TLN2: variants seen among roughly 807,000 people sequenced by gnomAD.
The protein encoded by TLN2 is talin-2.
A neutral mutation model predicts 294.7 loss-of-function variants in TLN2; 118 were observed. The observed-to-expected ratio is 0.40, with a 90% CI of 0.34 to 0.47. TLN2 has a LOEUF of 0.47. Ranked by LOEUF, TLN2 falls within the 20% of genes least tolerant of loss-of-function variation. The pLI is 0.84. For missense variants in TLN2, 3,083 were observed against 3,282.2 expected (o/e 0.94, Z 1.48); for synonymous variants, 1,431 against 1,304.5 (o/e 1.10, Z -2.09).
chr15:62,633,718 A>T (rs989230630), intron 3 of TLN2, among the ~76,000 whole-genome samples: 1 of 152,218 alleles, frequency 6.6e-6, no homozygotes, highest in African/African-American at 2.4e-5. Flanking sequence ...GCACTTATTA[A>T]TATCCTAATT....
chr15:62,702,285 C>T, intron 18 of TLN2, 85 bp downstream of exon 18: 1 of 1,411,350 alleles, frequency 7.1e-7, no homozygotes, highest in Non-Finnish European at 9.5e-7. Flanking sequence ...GCTTCCCGAG[C>T]TGTTCCTTGC....
chr15:62,540,523 A>G (rs1437713240), intron 1 of TLN2, among the ~76,000 whole-genome samples: 2 of 151,790 alleles, frequency 1.3e-5, no homozygotes, highest in Non-Finnish European at 2.9e-5. Context: ...GAAGGAGGGG[A>G]GGAAAGAAGT....
rs1020234755 is a variant in TLN2 at position 62,700,999 on chromosome 15, T to G, written c.1588-107T>G. The G allele has an allele frequency of 7.3e-6, 7 of 961,066 alleles. No homozygotes were observed. In the African/African-American group the frequency reaches 1.1e-4, roughly 16 times the overall value. 59.5% of individuals were successfully genotyped at this position (961,066 alleles called of 1,614,324 possible). A position where few individuals can be genotyped will look rare whatever the true frequency, so the allele number is the denominator to read the frequency against. On this transcript the variant is annotated intron_variant, in intron 16 of 58. Transcript: ENST00000636159. ...AAGGGCCCTGTCGGTGCTGGCCTCA[T>G]AAGAAGAATGTAGCCAAAATGCTGG...
intron 1 of TLN2, among the ~76,000 whole-genome samples, chr15:62,487,706 G>A: frequency 6.6e-6 from 1 of 151,908 alleles, no homozygotes; most frequent in East Asian, 1.9e-4. Flanking sequence ...GCTGAGGCAG[G>A]TGGATCATGG....
intron 40 of TLN2, among the ~76,000 whole-genome samples, chr15:62,765,256 C>G (rs1857853030): frequency 6.6e-6 from 1 of 151,732 alleles, no homozygotes; most frequent in Non-Finnish European, 1.5e-5. Context: ...TAAATAAAAC[C>G]CTTGGCCGTC....
chr15:62,579,099 G>T (rs2044691737), intron 1 of TLN2, among the ~76,000 whole-genome samples: 1 of 152,164 alleles, frequency 6.6e-6, no homozygotes, highest in Admixed American at 6.5e-5. Flanking sequence ...GGGAAACAAG[G>T]CTGAGGAGAA....
At chr15:62,689,077 T>C (rs1211165077) in intron 12 of TLN2, among the ~76,000 whole-genome samples, 2 of 151,780 alleles carry the variant, frequency 1.3e-5, no homozygotes, top group African/African-American at 4.8e-5. Context: ...TCTTTTTTTT[T>C]TTTTTTTTGC....
chr15:62,673,713 A>G lies in TLN2; in HGVS notation c.789-114A>G, dbSNP rs112534771. 6.0e-4 allele frequency: 444 copies of G among 744,646 alleles called. 1 individual carries two copies. The highest frequency in any genetic ancestry group is 4.9e-3 in the East Asian group (192 of 39,090). The allele number at this position is 744,646 out of a possible 1,614,324, so 46.1% of individuals were successfully genotyped here. ...ATAGCAGTCTGTTATTAATTACTCTATAAAATATTGGGAGACTTAGTGAGT... is the reference window on the plus strand; with the variant it reads ...ATAGCAGTCTGTTATTAATTACTCTGTAAAATATTGGGAGACTTAGTGAGT... On this transcript the variant is annotated intron_variant, in intron 9 of 58. Coordinates refer to ENST00000636159, the MANE Select transcript of TLN2 (RefSeq NM_015059.3).
intron 22 of TLN2, among the ~76,000 whole-genome samples, chr15:62,713,943 A>G (rs1391386181): frequency 2.8e-4 from 25 of 89,944 alleles, no homozygotes; most frequent in Admixed American, 2.5e-3. Context: ...GTGTGTGTGT[A>G]TGTATGTATT....
intron 1 of TLN2, among the ~76,000 whole-genome samples, chr15:62,435,469 T>C (rs1397562563): frequency 6.6e-6 from 1 of 152,234 alleles, no homozygotes; most frequent in African/African-American, 2.4e-5. Context: ...TCTTCACTTT[T>C]TGTGTCTGCT....
intron 11 of TLN2, among the ~76,000 whole-genome samples, chr15:62,682,378 C>T (rs1288371117): frequency 6.6e-6 from 1 of 152,016 alleles, no homozygotes; most frequent in Non-Finnish European, 1.5e-5. Flanking sequence ...TAGCATTGGC[C>T]ATAGTTTACC....
intron 55 of TLN2, 140 bp downstream of exon 55, chr15:62,833,769 T>A: frequency 8.0e-7 from 1 of 1,256,166 alleles, no homozygotes; most frequent in Non-Finnish European, 1.1e-6. Flanking sequence ...CTCTCTGTGC[T>A]GACCGACTGA....
At chr15:62,410,416 G>T (rs531500750) in intron 1 of TLN2, among the ~76,000 whole-genome samples, 2 of 151,922 alleles carry the variant, frequency 1.3e-5, no homozygotes, top group African/African-American at 4.8e-5. Flanking sequence ...TCCCTAAAAA[G>T]GATGAATTTT....
intron 52 of TLN2, among the ~76,000 whole-genome samples, chr15:62,819,177 T>G (rs1358298001): frequency 1.3e-5 from 2 of 152,136 alleles, no homozygotes; most frequent in African/African-American, 2.4e-5. Flanking sequence ...TCTTACAGTT[T>G]GGTTAAATTT....
At chr15:62,472,028 C>T (rs1432340870) in intron 1 of TLN2, among the ~76,000 whole-genome samples, 1 of 152,156 alleles carries the variant, frequency 6.6e-6, no homozygotes, top group Non-Finnish European at 1.5e-5. Flanking sequence ...AATATCTTAC[C>T]TTGGGATAGG....
At chr15:62,725,682 C>G (rs1279203049) in intron 27 of TLN2, among the ~76,000 whole-genome samples, 8 of 152,300 alleles carry the variant, frequency 5.3e-5, no homozygotes, top group Non-Finnish European at 1.0e-4. Flanking sequence ...TGTACACACA[C>G]AGTGTAGTTT....
intron 1 of TLN2, among the ~76,000 whole-genome samples, chr15:62,505,106 G>A (rs2039538033): frequency 1.3e-5 from 2 of 151,614 alleles, no homozygotes; most frequent in African/African-American, 2.4e-5. Flanking sequence ...ACAGGCGCCT[G>A]CCACTATGCC....
At chr15:62,574,937 T>C (rs1009000416) in intron 1 of TLN2, among the ~76,000 whole-genome samples, 1 of 152,008 alleles carries the variant, frequency 6.6e-6, no homozygotes, top group African/African-American at 2.4e-5. Context: ...CTCCTACAAA[T>C]GTAGAGGGAG....
Position 62,419,009 on chromosome 15 carries a change from G to C in TLN2, c.-238+28324G>C, listed in dbSNP as rs535480759. 2.0e-4 allele frequency among the ~76,000 whole-genome samples: 31 copies of C among 152,280 alleles called. 1 individual carries two copies. Among genetic ancestry groups the C allele is most frequent in the Non-Finnish European group, 4.0e-4 (27 of 68,022 alleles). Reference sequence around the variant, plus strand: ...CTTTTAAGTACATTTGGAATAACTTGGGTATGTGAATCAGCTTTTTCAGCT... The same window carrying C: ...CTTTTAAGTACATTTGGAATAACTTCGGTATGTGAATCAGCTTTTTCAGCT... On this transcript the variant is annotated intron_variant, in intron 1 of 58. Transcript: ENST00000636159.
Sources: allele counts gnomAD v4.1 joint callset (sites outside exome capture counted in the v4.1 genomes callset), GRCh38; gene constraint gnomAD v4.1.1; transcripts MANE v1.5; gene names NCBI Gene and HGNC (gene_info 2026-07-23, HGNC 2026-07-21).